HS6ST3: variants seen among roughly 807,000 people sequenced by gnomAD.
HS6ST3 encodes heparan sulfate 6-O-sulfotransferase 3.
HS6ST3 carries 12 observed loss-of-function variants against 36.7 expected under a neutral mutation model. The observed-to-expected ratio is 0.33, with a 90% CI of 0.21 to 0.53. The LOEUF (loss-of-function observed/expected upper bound fraction) is 0.53, where lower values mean the gene tolerates loss of function less well. Among genes scored for constraint, HS6ST3 ranks in the 20% least tolerant of loss-of-function variants. The probability of loss-of-function intolerance (pLI) is 0.95; values close to 1 mark genes in which losing one functional copy is unlikely to be tolerated. For missense variants in HS6ST3, 584 were observed against 640.9 expected (o/e 0.91, Z 0.96); for synonymous variants, 240 against 257.5 (o/e 0.93, Z 0.65).
At chr13:96,629,384 C>T (rs529458129) in intron 1 of HS6ST3, among the ~76,000 whole-genome samples, 1 of 152,162 alleles carries the variant, frequency 6.6e-6, no homozygotes, top group Non-Finnish European at 1.5e-5. Context: ...GACTAAATTT[C>T]TTTCCTCTTG....
intron 1 of HS6ST3, among the ~76,000 whole-genome samples, chr13:96,179,214 C>G (rs1375451595): frequency 6.6e-6 from 1 of 152,060 alleles, no homozygotes; most frequent in African/African-American, 2.4e-5. Context: ...AAAAGAAATC[C>G]AGACTATATT....
chr13:96,255,405 G>T (rs1463940683), intron 1 of HS6ST3, among the ~76,000 whole-genome samples: 1 of 152,112 alleles, frequency 6.6e-6, no homozygotes, highest in Non-Finnish European at 1.5e-5. Flanking sequence ...ATAGTATCAA[G>T]TATATTATAT....
chr13:96,608,409 C>T (rs2056446330), intron 1 of HS6ST3, among the ~76,000 whole-genome samples: 1 of 152,214 alleles, frequency 6.6e-6, no homozygotes. Context: ...CCGGATATTA[C>T]GTGCCTCCTA....
intron 1 of HS6ST3, among the ~76,000 whole-genome samples, chr13:96,660,262 C>A (rs1391512715): frequency 1.3e-5 from 2 of 152,088 alleles, no homozygotes; most frequent in Non-Finnish European, 1.5e-5. Context: ...AGTACAATAA[C>A]ACCTGCCTCC....
intron 1 of HS6ST3, among the ~76,000 whole-genome samples, chr13:96,533,184 G>C (rs1180730683): frequency 1.3e-5 from 2 of 152,140 alleles, no homozygotes; most frequent in African/African-American, 4.8e-5. Context: ...GCCAAGCGAA[G>C]AGAAACTAAA....
chr13:96,277,405 G>A (rs2054753614), intron 1 of HS6ST3, among the ~76,000 whole-genome samples: 1 of 152,178 alleles, frequency 6.6e-6, no homozygotes, highest in Non-Finnish European at 1.5e-5. Flanking sequence ...AGACCTAGCA[G>A]GTGTACAGTC....
intron 1 of HS6ST3, among the ~76,000 whole-genome samples, chr13:96,660,265 C>A (rs966947661): frequency 6.6e-6 from 1 of 152,050 alleles, no homozygotes; most frequent in Non-Finnish European, 1.5e-5. Flanking sequence ...ACAATAACAC[C>A]TGCCTCCCAG....
intron 1 of HS6ST3, among the ~76,000 whole-genome samples, chr13:96,308,624 C>A (rs190600098): frequency 1.2e-4 from 18 of 152,070 alleles, no homozygotes; most frequent in African/African-American, 3.1e-4. Flanking sequence ...TTCTGAGGGA[C>A]CATTTTCATT....
chr13:96,386,104 G>T (rs1255919264), intron 1 of HS6ST3, among the ~76,000 whole-genome samples: 3 of 152,178 alleles, frequency 2.0e-5, no homozygotes, highest in Admixed American at 6.5e-5. Context: ...AAAATAAAAA[G>T]AAAAAGATCC....
At position 96,541,875 on chromosome 13, in the gene HS6ST3, T is replaced by G. The variant is rs540373509; in HGVS notation, c.708-290615T>G. On this transcript the variant is annotated intron_variant, in intron 1 of 1. Coordinates refer to ENST00000376705, the MANE Select transcript of HS6ST3 (RefSeq NM_153456.4). Reference sequence around the variant, plus strand: ...TGGTAGACTACAACTCATCGTATCATTTGATTTAGAAGCAGTTCCACAATT... The same window carrying G: ...TGGTAGACTACAACTCATCGTATCAGTTGATTTAGAAGCAGTTCCACAATT... Among the ~76,000 whole-genome samples, 4 of 152,346 alleles carry G rather than the reference T, an allele frequency of 2.6e-5. No individual in the cohort carries two copies. In the East Asian group the frequency reaches 7.7e-4, roughly 29 times the overall value.
At chr13:96,367,930 T>C (rs1400746663) in intron 1 of HS6ST3, among the ~76,000 whole-genome samples, 1 of 152,222 alleles carries the variant, frequency 6.6e-6, no homozygotes, top group Non-Finnish European at 1.5e-5. Flanking sequence ...TTTCTTTTGA[T>C]AGCTCAATGA....
intron 1 of HS6ST3, among the ~76,000 whole-genome samples, chr13:96,504,108 C>T (rs2056016525): frequency 6.6e-6 from 1 of 152,152 alleles, no homozygotes; most frequent in Non-Finnish European, 1.5e-5. Context: ...TTTAGGGGTA[C>T]AACATATACA....
chr13:96,325,408 T>TAACA (rs1441900240), intron 1 of HS6ST3, among the ~76,000 whole-genome samples: 38 of 152,224 alleles, frequency 2.5e-4, no homozygotes, highest in African/African-American at 8.4e-4. Context: ...AGACCAAAAA[T>TAACA]ATTCTTTAAT....
At chr13:96,365,920 A>G (rs1224382717) in intron 1 of HS6ST3, among the ~76,000 whole-genome samples, 1 of 152,194 alleles carries the variant, frequency 6.6e-6, no homozygotes, top group Non-Finnish European at 1.5e-5. Flanking sequence ...CTAATATTTA[A>G]AAATAAGAAT....
At chr13:96,645,019 A>T (rs2056583915) in intron 1 of HS6ST3, among the ~76,000 whole-genome samples, 1 of 151,982 alleles carries the variant, frequency 6.6e-6, no homozygotes, top group African/African-American at 2.4e-5. Flanking sequence ...ATGTGTGCTC[A>T]GGTCACTAGA....
Position 96,090,782 on chromosome 13 carries a change from C to A in HS6ST3, c.-81C>A. ...CGGGCTCCGAGCCGCGCCCCGGAGTCCGCGAAACTTCCGAGCGGGCGCCCG... is the reference window on the plus strand; with the variant it reads ...CGGGCTCCGAGCCGCGCCCCGGAGTACGCGAAACTTCCGAGCGGGCGCCCG... On this transcript the variant is annotated 5_prime_UTR_variant, in exon 1 of 2. Transcript: ENST00000376705. 2 of 1,226,350 alleles carry A rather than the reference C, an allele frequency of 1.6e-6. No homozygotes were observed. Among genetic ancestry groups the A allele is most frequent in the South Asian group, 1.9e-5 (1 of 51,458 alleles). The allele number at this position is 1,226,350 out of a possible 1,614,324, so 76.0% of individuals were successfully genotyped here. A position where few individuals can be genotyped will look rare whatever the true frequency, so the allele number is the denominator to read the frequency against.
chr13:96,215,928 A>G (rs2054423679), intron 1 of HS6ST3, among the ~76,000 whole-genome samples: 1 of 152,164 alleles, frequency 6.6e-6, no homozygotes, highest in Non-Finnish European at 1.5e-5. Flanking sequence ...ACTCTTGACA[A>G]TTGGTAGTTG....
At chr13:96,473,507 A>T (rs1339099609) in intron 1 of HS6ST3, among the ~76,000 whole-genome samples, 5 of 152,210 alleles carry the variant, frequency 3.3e-5, no homozygotes, top group Non-Finnish European at 1.5e-5. Flanking sequence ...TGCCTCTGAG[A>T]TGAAATCCTA....
intron 1 of HS6ST3, among the ~76,000 whole-genome samples, chr13:96,369,004 A>G (rs980462542): frequency 1.5e-5 from 2 of 132,414 alleles, no homozygotes; most frequent in Admixed American, 1.7e-4. Context: ...TTCCATCACA[A>G]TGTACTCTGT....
Sources: gnomAD v4.1 joint callset for allele counts (sites outside exome capture counted in the v4.1 genomes callset) on GRCh38, gnomAD v4.1.1 for gene constraint, MANE v1.5 for transcripts, NCBI Gene and HGNC (gene_info 2026-07-23, HGNC 2026-07-21) for gene names.